TSPAN3: variants seen among roughly 807,000 people sequenced by gnomAD.
TSPAN3 encodes the protein tetraspanin 3, also known as tetraspanin-3.
In TSPAN3, 9 loss-of-function variants were observed where a neutral mutation model predicts 31.1. The observed-to-expected ratio is 0.29, with a 90% CI of 0.17 to 0.50. The LOEUF (loss-of-function observed/expected upper bound fraction) is 0.50, where lower values mean the gene tolerates loss of function less well. Ranked by LOEUF, TSPAN3 falls within the 20% of genes least tolerant of loss-of-function variation. TSPAN3 has a pLI of 0.98. For synonymous variants in TSPAN3, 129 were observed against 114.3 expected (o/e 1.13, Z -0.82); for missense variants, 252 against 313.5 (o/e 0.80, Z 1.48).
At chr15:77,055,884 A>T (rs1301753427) in intron 2 of TSPAN3, 21 bp from the exon 3 acceptor site, 2 of 1,587,878 alleles carry the variant, frequency 1.3e-6, no homozygotes, top group Admixed American at 1.9e-5. Context: ...ACATGGTTTA[A>T]AATTATATAC....
In TSPAN3 at chr15:77,054,209, G is replaced by C. The variant is rs773686080; in HGVS notation, c.401C>G (p.Ala134Gly). The C allele has an allele frequency of 3.1e-6, 5 of 1,613,936 alleles. No individual in the cohort carries two copies. The highest frequency in any genetic ancestry group is 4.2e-6 in the Non-Finnish European group (5 of 1,179,912). Residue 134 changes from alanine to glycine, a missense_variant, in exon 4 of 7, where the codon GCT (alanine) becomes GGT (glycine). Transcript: ENST00000267970. ...CTGTACATAATCAATAGCCCGGCTA[G>C]CAGCATCAGGGTTGGTTCCATTGTA... is the stretch of plus-strand genomic sequence containing the variant. Reference protein sequence around the residue: ...KTYNGTNPDAASRAIDYVQRQ... With the variant: ...KTYNGTNPDAGSRAIDYVQRQ...
At chr15:77,053,591 T>C (rs541943594) in intron 4 of TSPAN3, among the ~76,000 whole-genome samples, 1 of 150,884 alleles carries the variant, frequency 6.6e-6, no homozygotes, top group East Asian at 2.0e-4. Context: ...TAAATATTAT[T>C]TCCAATGACA....
intron 1 of TSPAN3, chr15:77,068,200 C>T (rs1285611733): frequency 6.6e-6 from 1 of 152,208 alleles, no homozygotes. Context: ...CACTGTGACA[C>T]ATTTGCCCCC....
At position 77,046,737 on chromosome 15, in the gene TSPAN3, C is replaced by CT; in HGVS notation, c.*97dup. On this transcript the variant is annotated 3_prime_UTR_variant, in exon 7 of 7. Coordinates refer to ENST00000267970, the MANE Select transcript of TSPAN3 (RefSeq NM_005724.6). The stretch of plus-strand genomic sequence containing the variant: ...TCTGTCCAACACCAGTGTACATGTG[C>CT]TTTAACTAAATGAACTCCAGAGGCC... 1.1e-6 allele frequency: 1 copy of CT among 888,510 alleles called. No homozygotes were observed. The highest frequency in any genetic ancestry group is 1.8e-6 in the Non-Finnish European group (1 of 559,566). The allele number at this position is 888,510 out of a possible 1,614,324, so 55.0% of individuals were successfully genotyped here.
chr15:77,052,613 A>C (rs1223834857), intron 5 of TSPAN3, 145 bp from the exon 6 acceptor site: 4 of 1,085,864 alleles, frequency 3.7e-6, no homozygotes, highest in Admixed American at 2.5e-5. Flanking sequence ...TAATTTACAG[A>C]CATGTAATTA....
At chr15:77,061,034 G>C (rs755736063) in intron 1 of TSPAN3, among the ~76,000 whole-genome samples, 3 of 152,124 alleles carry the variant, frequency 2.0e-5, no homozygotes, top group Admixed American at 1.3e-4. Flanking sequence ...AAGCCATCTT[G>C]TTATAAAATT....
intron 1 of TSPAN3, among the ~76,000 whole-genome samples, chr15:77,069,540 A>G (rs1250263401): frequency 3.9e-5 from 6 of 152,362 alleles, no homozygotes; most frequent in African/African-American, 9.6e-5. Flanking sequence ...GGAAATGCCA[A>G]TGTCGCCTGG....
At chr15:77,050,939 T>A (rs2076726690) in intron 6 of TSPAN3, among the ~76,000 whole-genome samples, 1 of 152,200 alleles carries the variant, frequency 6.6e-6, no homozygotes, top group Non-Finnish European at 1.5e-5. Flanking sequence ...TTAAAAGGCC[T>A]TTCCCATTAA....
At chr15:77,052,252 G>C (rs1349279476) in intron 6 of TSPAN3, 133 bp downstream of exon 6, 1 of 727,058 alleles carries the variant, frequency 1.4e-6, no homozygotes, top group African/African-American at 1.8e-5. Context: ...TGGGAAACTG[G>C]AGGCCAGTAC....
chr15:77,061,666 C>G (rs1019978633), intron 1 of TSPAN3, among the ~76,000 whole-genome samples: 2 of 152,144 alleles, frequency 1.3e-5, no homozygotes, highest in Non-Finnish European at 2.9e-5. Context: ...TAAAGTAGCT[C>G]TGTTGCCAAA....
intron 1 of TSPAN3, 23 bp from the exon 2 acceptor site, chr15:77,056,278 T>G: frequency 6.4e-7 from 1 of 1,561,442 alleles, no homozygotes; most frequent in Non-Finnish European, 8.6e-7. Context: ...AAGTCAGTAC[T>G]GGTCTCTAAG....
At position 77,055,855 on chromosome 15, in the gene TSPAN3, G is replaced by A; in HGVS notation, c.264C>T (p.Ile88=). 6.2e-7 allele frequency: 1 copy of A among 1,608,392 alleles called. No individual in the cohort carries two copies. Among genetic ancestry groups the A allele is most frequent in the Middle Eastern group, 1.7e-4 (1 of 6,038 alleles). ...ESRCGLATFV[I]ILLLVFVTEV... ...CTGTGACAAAAACCAAGAGCAGGAT[G>A]ATGACAAACTGTAAGAAAACATGGT... Residue 88 remains isoleucine (I), a synonymous_variant, in exon 3 of 7, where the codon ATC becomes ATT. Coordinates refer to ENST00000267970, the MANE Select transcript of TSPAN3 (RefSeq NM_005724.6).
At chr15:77,056,328 A>G in intron 1 of TSPAN3, 73 bp from the exon 2 acceptor site, 1 of 1,207,958 alleles carries the variant, frequency 8.3e-7, no homozygotes, top group East Asian at 2.6e-5. Context: ...TTAGTATGGT[A>G]TAATTTAATG....
chr15:77,056,857 G>T (rs1249271232), intron 1 of TSPAN3, among the ~76,000 whole-genome samples: 1 of 152,152 alleles, frequency 6.6e-6, no homozygotes, highest in Non-Finnish European at 1.5e-5. Flanking sequence ...CAATTCTTTA[G>T]AATGGTGGTT....
chr15:77,066,191 G>T (rs1367457281), intron 1 of TSPAN3, among the ~76,000 whole-genome samples: 2 of 152,148 alleles, frequency 1.3e-5, no homozygotes, highest in Non-Finnish European at 2.9e-5. Context: ...GCCCTCTTTG[G>T]TCAGATTAAA....
At position 77,061,354 on chromosome 15, in the gene TSPAN3, C is replaced by T. The variant is rs558326249; in HGVS notation, c.64-5099G>A. Reference sequence around the variant, plus strand: ...ACCGGCCTGACCAACATGCAGAAACCCCGTCTCTACTAAAAATACAAAATT... The same window carrying T: ...ACCGGCCTGACCAACATGCAGAAACTCCGTCTCTACTAAAAATACAAAATT... On this transcript the variant is annotated intron_variant, in intron 1 of 6. Transcript: ENST00000267970. Among the ~76,000 whole-genome samples the T allele has an allele frequency of 1.7e-3, 257 of 152,134 alleles. 1 individual carries two copies. Among genetic ancestry groups the T allele is most frequent in the South Asian group, 9.4e-3 (45 of 4,812 alleles).
chr15:77,051,176 G>A, intron 6 of TSPAN3, among the ~76,000 whole-genome samples: 1 of 151,928 alleles, frequency 6.6e-6, no homozygotes, highest in East Asian at 1.9e-4. Context: ...TGGGATTACA[G>A]GTGTAACCCA....
intron 1 of TSPAN3, among the ~76,000 whole-genome samples, 193 bp from the exon 2 acceptor site, chr15:77,056,448 C>A (rs2076769436): frequency 6.6e-6 from 1 of 151,724 alleles, no homozygotes; most frequent in South Asian, 2.1e-4. Context: ...CCACACTTCA[C>A]CTACTTTTCA....
intron 6 of TSPAN3, among the ~76,000 whole-genome samples, chr15:77,051,744 G>A (rs1022110579): frequency 6.6e-6 from 1 of 151,724 alleles, no homozygotes; most frequent in African/African-American, 2.4e-5. Context: ...TGTAGTCCCA[G>A]CTACTGGAGA....
Sources: gnomAD v4.1 joint callset for allele counts (sites outside exome capture counted in the v4.1 genomes callset) on GRCh38, gnomAD v4.1.1 for gene constraint, MANE v1.5 for transcripts, NCBI Gene and HGNC (gene_info 2026-07-23, HGNC 2026-07-21) for gene names.